Variants in CA10 observed in about 807,000 individuals in gnomAD.
The protein encoded by CA10 is carbonic anhydrase 10 (inactive).
CA10 carries 14 observed loss-of-function variants against 44.2 expected under a neutral mutation model. The observed-to-expected ratio is 0.32, with a 90% CI of 0.21 to 0.50. The LOEUF (loss-of-function observed/expected upper bound fraction) is 0.50. Among genes scored for constraint, CA10 ranks in the 20% least tolerant of loss-of-function variants. The probability of loss-of-function intolerance (pLI) is 0.99; values close to 1 mark genes in which losing one functional copy is unlikely to be tolerated. For synonymous variants in CA10, 159 were observed against 141.6 expected (o/e 1.12, Z -0.87); for missense variants, 350 against 409.7 (o/e 0.85, Z 1.26).
intron 3 of CA10, among the ~76,000 whole-genome samples, chr17:51,780,716 C>G (rs1906024151): frequency 2.6e-5 from 4 of 152,156 alleles, no homozygotes; most frequent in African/African-American, 9.7e-5. Flanking sequence ...GGGACGTCTT[C>G]TCAGAGGGTA....
intron 4 of CA10, among the ~76,000 whole-genome samples, chr17:51,709,145 A>G (rs1238767626): frequency 1.3e-5 from 2 of 152,200 alleles, no homozygotes; most frequent in Non-Finnish European, 2.9e-5. Context: ...TCATATATCC[A>G]TCTATTCATT....
chr17:51,922,542 C>T (rs918605384), intron 3 of CA10, among the ~76,000 whole-genome samples: 1 of 152,198 alleles, frequency 6.6e-6, no homozygotes, highest in Non-Finnish European at 1.5e-5. Flanking sequence ...TCCTCCTTGG[C>T]TCTAAGCCCT....
intron 3 of CA10, among the ~76,000 whole-genome samples, chr17:51,906,444 C>T (rs997189698): frequency 2.0e-5 from 3 of 152,056 alleles, no homozygotes; most frequent in Non-Finnish European, 2.9e-5. Flanking sequence ...TGTGCCATCT[C>T]GGTCTCCATT....
At chr17:51,833,847 G>T (rs1199356215) in intron 3 of CA10, among the ~76,000 whole-genome samples, 1 of 152,098 alleles carries the variant, frequency 6.6e-6, no homozygotes, top group Non-Finnish European at 1.5e-5. Flanking sequence ...ATTCATCTTT[G>T]TTATTTATCC....
chr17:51,747,786 G>T lies in CA10; in HGVS notation c.312C>A (p.His104Gln). The stretch of plus-strand genomic sequence containing the variant: ...GCTCCTTGTCCAGGCGAAGGGATAC[G>T]TGTCTTCCAGTGTTGTACATGGTCC... Reference protein sequence around the residue: ...VSGTMYNTGRHVSLRLDKEHL... With the variant: ...VSGTMYNTGRQVSLRLDKEHL... Residue 104 changes from histidine (H) to glutamine (Q), a missense_variant, in exon 4 of 9, where the codon CAC becomes CAA. His to Gln is a conservative substitution (Grantham distance 24). Coordinates refer to ENST00000451037, the MANE Select transcript of CA10 (RefSeq NM_020178.5). 2 of 1,613,496 alleles carry T rather than the reference G, an allele frequency of 1.2e-6. No individual in the cohort carries two copies. The highest frequency in any genetic ancestry group is 1.7e-6 in the Non-Finnish European group (2 of 1,179,678).
At chr17:51,934,126 G>C (rs1982772430) in intron 2 of CA10, among the ~76,000 whole-genome samples, 1 of 152,032 alleles carries the variant, frequency 6.6e-6, no homozygotes, top group Non-Finnish European at 1.5e-5. Flanking sequence ...GCCCTGAACT[G>C]CTATCTAAGT....
At chr17:51,730,008 G>A (rs1243556667) in intron 4 of CA10, among the ~76,000 whole-genome samples, 1 of 152,156 alleles carries the variant, frequency 6.6e-6, no homozygotes, top group Non-Finnish European at 1.5e-5. Flanking sequence ...ACTTTCCTAA[G>A]GCTAGTACCA....
intron 3 of CA10, among the ~76,000 whole-genome samples, chr17:51,788,168 A>AT (rs998639895): frequency 1.6e-4 from 24 of 151,754 alleles, no homozygotes; most frequent in African/African-American, 5.8e-4. Context: ...TTGCTCCAAT[A>AT]TTTTTTTCAA....
At chr17:51,778,613 A>G (rs1156745545) in intron 3 of CA10, among the ~76,000 whole-genome samples, 1 of 152,248 alleles carries the variant, frequency 6.6e-6, no homozygotes, top group Non-Finnish European at 1.5e-5. Flanking sequence ...AATCACATCT[A>G]ACACCTTTAC....
intron 2 of CA10, among the ~76,000 whole-genome samples, chr17:51,998,859 TTC>T (rs1985328173): frequency 6.6e-6 from 1 of 151,982 alleles, no homozygotes; most frequent in African/African-American, 2.4e-5. Context: ...TCTCCACCTC[TTC>T]TCTCTCTCTT....
intron 4 of CA10, among the ~76,000 whole-genome samples, chr17:51,690,196 C>T (rs1271881713): frequency 2.0e-5 from 3 of 152,206 alleles, no homozygotes; most frequent in African/African-American, 7.2e-5. Flanking sequence ...GATCCGCCTG[C>T]CTTGGCCTCC....
intron 4 of CA10, among the ~76,000 whole-genome samples, chr17:51,743,763 T>G (rs1386141711): frequency 6.6e-6 from 1 of 152,196 alleles, no homozygotes; most frequent in Non-Finnish European, 1.5e-5. Context: ...AATAAACACA[T>G]GCTTTCTTGC....
chr17:51,912,281 G>A (rs1567882348), intron 3 of CA10, among the ~76,000 whole-genome samples: 1 of 152,134 alleles, frequency 6.6e-6, no homozygotes, highest in East Asian at 1.9e-4. Context: ...ACAGTAATGG[G>A]AGCATTCCAA....
intron 1 of CA10, among the ~76,000 whole-genome samples, chr17:52,080,499 A>T (rs1229199001): frequency 7.4e-6 from 1 of 135,506 alleles, no homozygotes; most frequent in Non-Finnish European, 1.6e-5. Flanking sequence ...TAAATAAATA[A>T]ATATTAAAAT....
At chr17:51,921,089 A>T (rs1297717045) in intron 3 of CA10, among the ~76,000 whole-genome samples, 6 of 152,338 alleles carry the variant, frequency 3.9e-5, no homozygotes, top group African/African-American at 1.4e-4. Flanking sequence ...GTTTTCCTTT[A>T]GGAGGATTTA....
intron 3 of CA10, among the ~76,000 whole-genome samples, chr17:51,796,867 C>T (rs1473514354): frequency 1.3e-5 from 2 of 152,158 alleles, no homozygotes; most frequent in Admixed American, 6.5e-5. Flanking sequence ...GCTCCCACAG[C>T]AATTAGAGAC....
At chr17:51,964,878 G>A (rs1385247839) in intron 2 of CA10, among the ~76,000 whole-genome samples, 5 of 151,626 alleles carry the variant, frequency 3.3e-5, no homozygotes, top group Middle Eastern at 3.2e-3. Flanking sequence ...CCCAAAGCTA[G>A]CAATAGAAGA....
At chr17:51,705,726 T>G (rs1416526056) in intron 4 of CA10, among the ~76,000 whole-genome samples, 2 of 152,202 alleles carry the variant, frequency 1.3e-5, no homozygotes. Context: ...ACAGTGTCTC[T>G]CAAACCTTAA....
chr17:52,111,302 G>T (rs1483110639), intron 1 of CA10, among the ~76,000 whole-genome samples: 1 of 152,190 alleles, frequency 6.6e-6, no homozygotes, highest in Non-Finnish European at 1.5e-5. Flanking sequence ...ATATTTCATT[G>T]TGATGCAGAT....
Sources: allele counts gnomAD v4.1 joint callset (sites outside exome capture counted in the v4.1 genomes callset), GRCh38; gene constraint gnomAD v4.1.1; transcripts MANE v1.5; gene names NCBI Gene and HGNC (gene_info 2026-07-23, HGNC 2026-07-21).